The following TMEM132D variants were observed in gnomAD, a reference collection of about 807,000 sequenced individuals.
The protein encoded by TMEM132D is mature OL transmembrane protein.
Under a neutral mutation model 62.3 loss-of-function variants are expected in TMEM132D, and 21 were observed. The ratio of observed to expected loss-of-function variants is 0.34; its 90% confidence interval spans 0.24 to 0.49. The LOEUF (loss-of-function observed/expected upper bound fraction) is 0.49. TMEM132D is among the 20% of genes least tolerant of loss of function. The pLI is 0.99. For synonymous variants in TMEM132D, 621 were observed against 575.6 expected (o/e 1.08, Z -1.13); for missense variants, 1,346 against 1,402.8 (o/e 0.96, Z 0.65).
At chr12:129,082,691 C>T (rs1315432356) in intron 6 of TMEM132D, among the ~76,000 whole-genome samples, 1 of 152,174 alleles carries the variant, frequency 6.6e-6, no homozygotes, top group Admixed American at 6.5e-5. Flanking sequence ...CTCAGCCATG[C>T]CTGGATTCCA....
chr12:129,296,097 T>C (rs1171367759), intron 4 of TMEM132D, among the ~76,000 whole-genome samples: 1 of 151,964 alleles, frequency 6.6e-6, no homozygotes. Flanking sequence ...TATATATATA[T>C]ATACATATGT....
intron 3 of TMEM132D, chr12:129,522,433 T>C (rs1162761201): frequency 1.3e-5 from 2 of 152,152 alleles, no homozygotes; most frequent in Non-Finnish European, 2.9e-5. Context: ...CTTTCTAAGC[T>C]GTTCCCCAGG....
At chr12:129,542,228 T>C (rs1414944379) in intron 2 of TMEM132D, among the ~76,000 whole-genome samples, 1 of 152,212 alleles carries the variant, frequency 6.6e-6, no homozygotes, top group Admixed American at 6.5e-5. Context: ...TGCCTAGTTT[T>C]CAGGGTTTAG....
rs189245590 is a variant in TMEM132D, at chr12:129,510,103, C to T, written c.1115+20956G>A. On this transcript the variant is annotated intron_variant, in intron 3 of 8. Coordinates refer to ENST00000422113, the MANE Select transcript of TMEM132D (RefSeq NM_133448.3). The stretch of plus-strand genomic sequence containing the variant: ...TTCCCATCAACAGTGTACAAGGGCT[C>T]ACTTTTCTGCATGTCCTCACTAGCA... 4.0e-3 allele frequency among the ~76,000 whole-genome samples: 607 copies of T among 152,232 alleles called. 1 individual carries two copies. Among genetic ancestry groups the T allele is most frequent in the Admixed American group, 7.8e-3 (120 of 15,288 alleles).
chr12:129,651,703 G>A (rs543617129), intron 2 of TMEM132D, among the ~76,000 whole-genome samples: 2 of 152,262 alleles, frequency 1.3e-5, no homozygotes, highest in East Asian at 3.9e-4. Flanking sequence ...AGCAAGGACA[G>A]CAGCAACTGG....
chr12:129,507,505 A>T (rs1185710283), intron 3 of TMEM132D, among the ~76,000 whole-genome samples: 1 of 152,212 alleles, frequency 6.6e-6, no homozygotes, highest in East Asian at 1.9e-4. Flanking sequence ...TGTTGCACAT[A>T]AATATAATGA....
At chr12:129,107,853 A>ATT (rs1233632062) in intron 5 of TMEM132D, among the ~76,000 whole-genome samples, 8 of 79,214 alleles carry the variant, frequency 1.0e-4, no homozygotes, top group Non-Finnish European at 1.6e-4. Context: ...CACCTGGCTA[A>ATT]TTTTTTTTTT....
rs531329893 is a variant in TMEM132D at position 129,444,376 on chromosome 12, T to A, written c.1115+86683A>T. ...AACAATACATTCGACAAAGGCCTAA[T>A]ATCCAGTATTCATAAGGAAATAAAC... is the stretch of plus-strand genomic sequence containing the variant. On this transcript the variant is annotated intron_variant, in intron 3 of 8. Coordinates refer to ENST00000422113, the MANE Select transcript of TMEM132D (RefSeq NM_133448.3). 4.8e-5 allele frequency among the ~76,000 whole-genome samples: 7 copies of A among 144,684 alleles called. No homozygotes were observed. In the South Asian group the frequency reaches 1.6e-3, roughly 34 times the overall value. 94.9% of individuals were successfully genotyped at this position (144,684 alleles called of 152,430 possible). A position where few individuals can be genotyped will look rare whatever the true frequency, so the allele number is the denominator to read the frequency against.
Position 129,103,619 on chromosome 12 carries a change from G to A in TMEM132D, c.1444-18917C>T, listed in dbSNP as rs12300229. Among the ~76,000 whole-genome samples the A allele has an allele frequency of 3.3e-3, 496 of 152,262 alleles. 1 individual carries two copies. Among genetic ancestry groups the A allele is most frequent in the African/African-American group, 0.011 (469 of 41,536 alleles). The stretch of plus-strand genomic sequence containing the variant: ...GGCCTCTGCTTTCCCTCCTGACCTC[G>A]TGATCTGCCCACCTCAGCCTCCTAA... On this transcript the variant is annotated intron_variant, in intron 5 of 8. Transcript: ENST00000422113.
intron 1 of TMEM132D, among the ~76,000 whole-genome samples, chr12:129,767,717 A>G (rs567848909): frequency 6.6e-6 from 1 of 152,332 alleles, no homozygotes; most frequent in East Asian, 1.9e-4. Flanking sequence ...TGGACATGCC[A>G]CACTTTATCC....
intron 2 of TMEM132D, among the ~76,000 whole-genome samples, chr12:129,690,484 G>A (rs1318249282): frequency 2.0e-5 from 3 of 151,992 alleles, no homozygotes; most frequent in Admixed American, 2.0e-4. Flanking sequence ...ACTTTAACAA[G>A]TTAAAAGTAA....
chr12:129,677,263 G>A (rs149107498), intron 2 of TMEM132D, among the ~76,000 whole-genome samples: 12 of 152,226 alleles, frequency 7.9e-5, no homozygotes, highest in African/African-American at 2.9e-4. Context: ...TGAGTCTCAC[G>A]AGATCTGATG....
At chr12:129,337,602 A>G (rs1869333959) in intron 4 of TMEM132D, 32 bp downstream of exon 4, 1 of 1,611,102 alleles carries the variant, frequency 6.2e-7, no homozygotes, top group Non-Finnish European at 8.5e-7. Context: ...CCCCGAGTTC[A>G]GTTCTAACAG....
chr12:129,772,937 C>T (rs372693660), intron 1 of TMEM132D, among the ~76,000 whole-genome samples: 2 of 152,146 alleles, frequency 1.3e-5, no homozygotes, highest in Non-Finnish European at 2.9e-5. Context: ...TGACAGAGTG[C>T]GCAAGATTCA....
At chr12:129,472,506 G>A (rs753803520) in intron 3 of TMEM132D, among the ~76,000 whole-genome samples, 4 of 152,042 alleles carry the variant, frequency 2.6e-5, no homozygotes, top group Admixed American at 6.6e-5. Context: ...CCTAGATGAC[G>A]GGTTGATAGG....
At chr12:129,756,886 G>A (rs1317508693) in intron 1 of TMEM132D, among the ~76,000 whole-genome samples, 1 of 152,160 alleles carries the variant, frequency 6.6e-6, no homozygotes, top group African/African-American at 2.4e-5. Context: ...GCTGTGGAAG[G>A]TTGCGCCCTG....
At chr12:129,883,174 A>G (rs1380830932) in intron 1 of TMEM132D, among the ~76,000 whole-genome samples, 1 of 152,204 alleles carries the variant, frequency 6.6e-6, no homozygotes, top group Non-Finnish European at 1.5e-5. Context: ...AATTACTAAA[A>G]CAAGTGAGTT....
chr12:129,245,159 T>C (rs547867001), intron 4 of TMEM132D, among the ~76,000 whole-genome samples: 1 of 152,230 alleles, frequency 6.6e-6, no homozygotes, highest in Non-Finnish European at 1.5e-5. Context: ...TCCATCATTA[T>C]AGTATCCCAC....
chr12:129,451,055 C>T (rs1012417567), intron 3 of TMEM132D, among the ~76,000 whole-genome samples: 11 of 152,232 alleles, frequency 7.2e-5, no homozygotes, highest in South Asian at 2.1e-4. Context: ...AGCCACCGCG[C>T]CCGGCCAATT....
Sources: gnomAD v4.1 joint callset for allele counts (sites outside exome capture counted in the v4.1 genomes callset) on GRCh38, gnomAD v4.1.1 for gene constraint, MANE v1.5 for transcripts, NCBI Gene and HGNC (gene_info 2026-07-23, HGNC 2026-07-21) for gene names.